Variants in CCDC178 observed in about 807,000 individuals in gnomAD.
CCDC178 encodes the protein coiled-coil domain containing 178.
In CCDC178, 126 loss-of-function variants were observed where a neutral mutation model predicts 117.4. The observed-to-expected ratio is 1.07, with a 90% CI of 0.93 to 1.24. The LOEUF (loss-of-function observed/expected upper bound fraction) is 1.24. Among genes scored for constraint, CCDC178 ranks in the 50% most tolerant of loss-of-function variants. The pLI is 0.00. For missense variants in CCDC178, 1,030 were observed against 986.9 expected, an observed-to-expected ratio of 1.04 and a Z score of -0.59; for synonymous variants, 283 against 313.4, an observed-to-expected ratio of 0.90 and a Z score of 1.02.
intron 20 of CCDC178, among the ~76,000 whole-genome samples, chr18:33,106,247 A>C (rs1437212120): frequency 6.6e-6 from 1 of 151,622 alleles, no homozygotes; most frequent in Non-Finnish European, 1.5e-5. Flanking sequence ...TGCCGATGTC[A>C]AACCTATTTT....
At chr18:32,971,531 A>G (rs972803303) in intron 22 of CCDC178, among the ~76,000 whole-genome samples, 5 of 152,306 alleles carry the variant, frequency 3.3e-5, no homozygotes, top group African/African-American at 1.2e-4. Context: ...TCCTTTGGGT[A>G]TATACCCAGT....
intron 15 of CCDC178, among the ~76,000 whole-genome samples, chr18:33,227,556 GTATATATATATATATA>G (rs145380258): frequency 9.0e-6 from 1 of 110,934 alleles, no homozygotes; most frequent in East Asian, 2.8e-4. Flanking sequence ...GTGTGTGTGT[GTATATATATATATATA>G]TATATATACA....
intron 20 of CCDC178, among the ~76,000 whole-genome samples, chr18:33,125,638 T>C (rs1300841247): frequency 2.0e-5 from 3 of 152,154 alleles, no homozygotes; most frequent in Non-Finnish European, 4.4e-5. Flanking sequence ...GTTAAGAAAA[T>C]AGATCTTACC....
chr18:33,197,453 G>T (rs1217957862), intron 20 of CCDC178, among the ~76,000 whole-genome samples: 1 of 152,054 alleles, frequency 6.6e-6, no homozygotes. Context: ...GTGTGTAGTG[G>T]GGTAGTGGGG....
chr18:33,162,853 T>C (rs1042439977), intron 20 of CCDC178, among the ~76,000 whole-genome samples: 5 of 152,192 alleles, frequency 3.3e-5, no homozygotes, highest in African/African-American at 9.7e-5. Context: ...TGCAGGTTGA[T>C]TGCATGTTTT....
At chr18:33,219,722 C>A (rs1307721359) in intron 18 of CCDC178, among the ~76,000 whole-genome samples, 1 of 151,768 alleles carries the variant, frequency 6.6e-6, no homozygotes, top group Non-Finnish European at 1.5e-5. Context: ...GGGAATTGAA[C>A]AATGAGAACA....
At chr18:33,012,908 T>A (rs2055900979) in intron 21 of CCDC178, among the ~76,000 whole-genome samples, 2 of 152,146 alleles carry the variant, frequency 1.3e-5, no homozygotes, top group Non-Finnish European at 2.9e-5. Flanking sequence ...TTGGTTATGG[T>A]TATGCAACTG....
intron 20 of CCDC178, among the ~76,000 whole-genome samples, chr18:33,142,794 G>T (rs891698310): frequency 6.6e-6 from 1 of 152,088 alleles, no homozygotes; most frequent in African/African-American, 2.4e-5. Flanking sequence ...AGAGAAAGAA[G>T]AATATCTAAA....
chr18:33,126,999 T>A (rs10669262), intron 20 of CCDC178, among the ~76,000 whole-genome samples: 16,890 of 115,794 alleles, frequency 0.15, 1,103 homozygotes, highest in East Asian at 0.18. Context: ...AAAAAAAAAA[T>A]ATATATATAT....
At chr18:33,307,945 G>T (rs187487399) in intron 11 of CCDC178, among the ~76,000 whole-genome samples, 16 of 152,368 alleles carry the variant, frequency 1.1e-4, no homozygotes, top group Non-Finnish European at 2.9e-5. Flanking sequence ...TGTCCAGGAA[G>T]AAGTTTGCTG....
intron 20 of CCDC178, among the ~76,000 whole-genome samples, chr18:33,175,451 C>T (rs1245126764): frequency 6.6e-6 from 1 of 152,104 alleles, no homozygotes; most frequent in Non-Finnish European, 1.5e-5. Flanking sequence ...AAGATATCCT[C>T]CCGCCTCAGC....
intron 22 of CCDC178, among the ~76,000 whole-genome samples, chr18:32,952,155 G>A (rs1368733053): frequency 6.6e-6 from 1 of 152,114 alleles, no homozygotes; most frequent in African/African-American, 2.4e-5. Flanking sequence ...CTACCATTTT[G>A]GAGTTTGGAG....
chr18:33,071,484 A>G (rs141823761), intron 21 of CCDC178, among the ~76,000 whole-genome samples: 1,923 of 152,204 alleles, frequency 0.013, 40 homozygotes, highest in African/African-American at 0.044. Flanking sequence ...CATCACCTGG[A>G]AAAGTATGGG....
chr18:32,956,317 CG>C (rs2054591897), intron 22 of CCDC178, among the ~76,000 whole-genome samples: 1 of 152,012 alleles, frequency 6.6e-6, no homozygotes, highest in Non-Finnish European at 1.5e-5. Context: ...TTATTTTTTA[CG>C]TAACTAAGAA....
intron 10 of CCDC178, among the ~76,000 whole-genome samples, chr18:33,324,679 T>C (rs943823172): frequency 1.3e-4 from 17 of 131,006 alleles, no homozygotes; most frequent in Non-Finnish European, 2.3e-4. Context: ...TCTGTAACAA[T>C]TTTGGAATGA....
chr18:33,029,668 A>T (rs751884343), intron 21 of CCDC178, among the ~76,000 whole-genome samples: 59 of 152,094 alleles, frequency 3.9e-4, no homozygotes, highest in Non-Finnish European at 7.5e-4. Flanking sequence ...CTTTAACTAC[A>T]TCTCACAAGT....
intron 12 of CCDC178, among the ~76,000 whole-genome samples, chr18:33,268,189 G>T (rs916381085): frequency 6.6e-6 from 1 of 151,446 alleles, no homozygotes; most frequent in Non-Finnish European, 1.5e-5. Flanking sequence ...CTACCCAAAA[G>T]GTATCTGAAA....
intron 8 of CCDC178, among the ~76,000 whole-genome samples, chr18:33,347,830 G>A (rs2062917738): frequency 6.6e-6 from 1 of 151,924 alleles, no homozygotes; most frequent in Admixed American, 6.6e-5. Context: ...AACTTGAGAT[G>A]CCTCAAATTC....
intron 2 of CCDC178, among the ~76,000 whole-genome samples, chr18:33,420,395 C>A (rs905210834): frequency 7.2e-5 from 11 of 152,066 alleles, no homozygotes; most frequent in African/African-American, 2.7e-4. Flanking sequence ...TCACTGTCTC[C>A]AAGGCTGGAG....
Sources: gnomAD v4.1 joint callset for allele counts (sites outside exome capture counted in the v4.1 genomes callset) on GRCh38, gnomAD v4.1.1 for gene constraint, MANE v1.5 for transcripts, NCBI Gene and HGNC (gene_info 2026-07-23, HGNC 2026-07-21) for gene names.